Variants in KCNIP4 observed in about 807,000 individuals in gnomAD.
The protein encoded by KCNIP4 is potassium voltage-gated channel interacting protein 4.
In KCNIP4, 12 loss-of-function variants were observed where a neutral mutation model predicts 34.0. That is an observed-to-expected ratio of 0.35 (90% confidence interval 0.23 to 0.57). The LOEUF is 0.57. Among genes scored for constraint, KCNIP4 ranks in the 20% least tolerant of loss-of-function variants. KCNIP4 has a pLI of 0.83. For synonymous variants in KCNIP4, 124 were observed against 102.2 expected (o/e 1.21, Z -1.29); for missense variants, 238 against 311.7 (o/e 0.76, Z 1.78).
chr4:21,642,719 C>G (rs1253849277), intron 1 of KCNIP4, among the ~76,000 whole-genome samples: 2 of 152,074 alleles, frequency 1.3e-5, no homozygotes. Context: ...TTAAAATTCA[C>G]CTGATGACTT....
At chr4:20,784,415 T>G (rs926759973) in intron 3 of KCNIP4, among the ~76,000 whole-genome samples, 1 of 152,160 alleles carries the variant, frequency 6.6e-6, no homozygotes, top group African/African-American at 2.4e-5. Context: ...AGGTTTAGAA[T>G]CCTCTTTCCT....
chr4:20,903,849 C>T (rs1020808069), intron 1 of KCNIP4, among the ~76,000 whole-genome samples: 15 of 152,094 alleles, frequency 9.9e-5, no homozygotes, highest in African/African-American at 3.6e-4. Context: ...CTAGCAATGC[C>T]TTTAATTGCC....
At chr4:21,296,823 C>T (rs752545049) in intron 1 of KCNIP4, among the ~76,000 whole-genome samples, 60 of 151,574 alleles carry the variant, frequency 4.0e-4, no homozygotes, top group Non-Finnish European at 7.4e-4. Flanking sequence ...ACAGTCTGGC[C>T]GGTGGGGGTG....
At chr4:21,222,156 A>C (rs1758025452) in intron 1 of KCNIP4, among the ~76,000 whole-genome samples, 1 of 152,192 alleles carries the variant, frequency 6.6e-6, no homozygotes, top group Non-Finnish European at 1.5e-5. Flanking sequence ...AGCAAATTTG[A>C]AATAAAAAAT....
At chr4:21,811,287 T>C (rs1721635284) in intron 1 of KCNIP4, among the ~76,000 whole-genome samples, 1 of 152,208 alleles carries the variant, frequency 6.6e-6, no homozygotes, top group South Asian at 2.1e-4. Flanking sequence ...AAACCCAACA[T>C]CTGATTATTC....
At chr4:21,671,409 G>C (rs1412647770) in intron 1 of KCNIP4, among the ~76,000 whole-genome samples, 3 of 152,176 alleles carry the variant, frequency 2.0e-5, no homozygotes, top group Non-Finnish European at 4.4e-5. Context: ...TGGATGCCTA[G>C]TAATATTCCC....
chr4:21,749,874 A>C (rs1261938804), intron 1 of KCNIP4, among the ~76,000 whole-genome samples: 1 of 152,126 alleles, frequency 6.6e-6, no homozygotes, highest in Non-Finnish European at 1.5e-5. Context: ...ATCACTATAT[A>C]TTCCATACTT....
intron 1 of KCNIP4, among the ~76,000 whole-genome samples, chr4:21,112,536 C>T (rs868443826): frequency 3.3e-5 from 5 of 152,106 alleles, no homozygotes; most frequent in African/African-American, 9.7e-5. Flanking sequence ...ATGAAAATAA[C>T]GAGAAATAGA....
intron 1 of KCNIP4, among the ~76,000 whole-genome samples, chr4:20,891,463 G>A (rs1379729477): frequency 6.6e-6 from 1 of 152,118 alleles, no homozygotes; most frequent in East Asian, 1.9e-4. Context: ...AAATTAGCCA[G>A]GTGTGGTGGC....
rs1015808153 is a variant in KCNIP4, at chr4:21,440,565, C to T, written c.61+508006G>A. Among the ~76,000 whole-genome samples, 4 of 152,194 alleles carry T rather than the reference C, an allele frequency of 2.6e-5. No individual in the cohort carries two copies. The South Asian group carries it at 8.3e-4, about 31-fold the overall frequency. ...ATTTTCCAGTGTATTAAAAGACATT[C>T]AGTGTTGACACTGCTAGGAAAAAAA... On this transcript the variant is annotated intron_variant, in intron 1 of 8. Coordinates refer to ENST00000382152, the MANE Select transcript of KCNIP4 (RefSeq NM_025221.6).
intron 1 of KCNIP4, among the ~76,000 whole-genome samples, chr4:21,240,952 T>C (rs1304818962): frequency 6.6e-6 from 1 of 152,214 alleles, no homozygotes; most frequent in East Asian, 1.9e-4. Flanking sequence ...CATTTCATTG[T>C]AATTTATAAC....
chr4:20,864,101 T>TATGTATGTATACATATCCATGTATACAC (rs1456155486), intron 2 of KCNIP4, among the ~76,000 whole-genome samples: 15 of 126,100 alleles, frequency 1.2e-4, no homozygotes, highest in Middle Eastern at 4.5e-3. Flanking sequence ...CATGTATACG[T>TATGTATGTATACATATCCATGTATACAC]ATGTATGTAT....
At chr4:21,317,239 C>T (rs1713862094) in intron 1 of KCNIP4, among the ~76,000 whole-genome samples, 1 of 151,986 alleles carries the variant, frequency 6.6e-6, no homozygotes, top group Admixed American at 6.6e-5. Flanking sequence ...GCCAACTATC[C>T]CCTTTTCATA....
At chr4:21,282,816 C>T (rs1310311288) in intron 1 of KCNIP4, among the ~76,000 whole-genome samples, 1 of 152,296 alleles carries the variant, frequency 6.6e-6, no homozygotes, top group East Asian at 1.9e-4. Context: ...ACACAGTTTT[C>T]ATCTCCATTC....
At chr4:20,959,842 A>G (rs2149657403) in intron 1 of KCNIP4, among the ~76,000 whole-genome samples, 1 of 152,348 alleles carries the variant, frequency 6.6e-6, no homozygotes, top group Middle Eastern at 3.4e-3. Flanking sequence ...CTTGGGTGCA[A>G]TCCTTAACAT....
At chr4:20,793,895 A>C (rs1360368145) in intron 3 of KCNIP4, among the ~76,000 whole-genome samples, 1 of 151,990 alleles carries the variant, frequency 6.6e-6, no homozygotes, top group African/African-American at 2.4e-5. Context: ...TCTCATCTTG[A>C]ACTGTAACTC....
intron 1 of KCNIP4, among the ~76,000 whole-genome samples, chr4:21,857,464 T>C (rs1455117792): frequency 6.6e-6 from 1 of 151,746 alleles, no homozygotes; most frequent in Non-Finnish European, 1.5e-5. Context: ...GAGAAGATGA[T>C]GGAATGACCA....
intron 3 of KCNIP4, among the ~76,000 whole-genome samples, chr4:20,832,704 A>G (rs1405010246): frequency 1.3e-5 from 2 of 149,518 alleles, no homozygotes; most frequent in Admixed American, 6.7e-5. Context: ...TTCCTTGTTG[A>G]CCTATTTGAA....
intron 3 of KCNIP4, among the ~76,000 whole-genome samples, chr4:20,783,474 C>T (rs1230278114): frequency 3.3e-5 from 5 of 152,200 alleles, no homozygotes; most frequent in Admixed American, 3.3e-4. Flanking sequence ...TCACTTCTTA[C>T]ATGGCAGCAG....
Sources: gnomAD v4.1 joint callset for allele counts (sites outside exome capture counted in the v4.1 genomes callset) on GRCh38, gnomAD v4.1.1 for gene constraint, MANE v1.5 for transcripts, NCBI Gene and HGNC (gene_info 2026-07-23, HGNC 2026-07-21) for gene names.